The following EPS8 variants were observed in gnomAD, a reference collection of about 807,000 sequenced individuals.
EPS8 encodes epidermal growth factor receptor kinase substrate 8.
Under a neutral mutation model 103.8 loss-of-function variants are expected in EPS8, and 42 were observed. That is an observed-to-expected ratio of 0.40 (90% CI 0.32 to 0.52). The LOEUF (loss-of-function observed/expected upper bound fraction) is 0.52, where lower values mean the gene tolerates loss of function less well. Among genes scored for constraint, EPS8 ranks in the 20% least tolerant of loss-of-function variants. The pLI, the probability that EPS8 is intolerant of heterozygous loss-of-function variation, is 0.40. For synonymous variants in EPS8, 344 were observed against 344.6 expected, an observed-to-expected ratio of 1.00 and a Z score of 0.02; for missense variants, 969 against 1,005.1, an observed-to-expected ratio of 0.96 and a Z score of 0.49.
chr12:15,663,941 A>AT (rs71042266), intron 8 of EPS8, among the ~76,000 whole-genome samples: 25,351 of 72,148 alleles, frequency 0.35, 5,757 homozygotes, highest in Middle Eastern at 0.44. Flanking sequence ...AAAAAAAAAA[A>AT]AAAAATAATA....
chr12:15,722,369 T>G (rs1369477071), intron 1 of EPS8, among the ~76,000 whole-genome samples: 3 of 152,046 alleles, frequency 2.0e-5, no homozygotes, highest in Non-Finnish European at 4.4e-5. Context: ...GAGCCTTGAG[T>G]AGTACATTGC....
In EPS8 at chr12:15,623,167, A is replaced by T. The variant is rs1944887770; in HGVS notation, c.2346T>A (p.Ala782=). 6.2e-7 allele frequency: 1 copy of T among 1,606,822 alleles called. No homozygotes were observed. Among genetic ancestry groups the T allele is most frequent in the Admixed American group, 1.7e-5 (1 of 58,458 alleles). Residue 782 remains alanine (A), a synonymous_variant, in exon 20 of 21, where the codon GCT becomes GCA. Transcript: ENST00000281172. Reference sequence around the variant, plus strand: ...GGTTGACAAGTCATACCTCCAATGCAGCTTTTTGTACAGTGATTTGGCTAT... The same window carrying T: ...GGTTGACAAGTCATACCTCCAATGCTGCTTTTTGTACAGTGATTTGGCTAT... ...RVYSQITVQK[A]ALEDSSGSSE...
intron 1 of EPS8, among the ~76,000 whole-genome samples, chr12:15,743,609 A>G (rs374244867): frequency 6.6e-6 from 1 of 152,204 alleles, no homozygotes; most frequent in African/African-American, 2.4e-5. Context: ...ATAATACCAC[A>G]TATCTACAAC....
At chr12:15,630,114 G>T (rs940348732) in intron 18 of EPS8, among the ~76,000 whole-genome samples, 1 of 151,888 alleles carries the variant, frequency 6.6e-6, no homozygotes, top group Non-Finnish European at 1.5e-5. Context: ...TGTTTATGTG[G>T]AAAACGAAGG....
At chr12:15,642,803 G>T (rs1177556792) in intron 15 of EPS8, among the ~76,000 whole-genome samples, 3 of 152,062 alleles carry the variant, frequency 2.0e-5, no homozygotes, top group Non-Finnish European at 4.4e-5. Context: ...TTATACCAGG[G>T]CCTGCAGGAC....
intron 1 of EPS8, among the ~76,000 whole-genome samples, chr12:15,699,634 T>C (rs1338347745): frequency 6.6e-6 from 1 of 152,194 alleles, no homozygotes; most frequent in Admixed American, 6.5e-5. Flanking sequence ...ACATACAACT[T>C]TAGTGTACCA....
rs965534056 is a variant in EPS8 at position 15,745,615 on chromosome 12, G to C, written c.-22+43546C>G. Among the ~76,000 whole-genome samples the C allele has an allele frequency of 6.6e-6, 1 of 151,548 alleles. No homozygotes were observed. The highest frequency in any genetic ancestry group is 1.5e-5 in the Non-Finnish European group (1 of 67,964). ...AAAAGAAATCACTTTTATTTTGTCAGGTGAGTGTAGCAATCATTGCTAGCA... is the reference window on the plus strand; with the variant it reads ...AAAAGAAATCACTTTTATTTTGTCACGTGAGTGTAGCAATCATTGCTAGCA... On this transcript the variant is annotated intron_variant, in intron 1 of 20. Coordinates refer to ENST00000281172, the MANE Select transcript of EPS8 (RefSeq NM_004447.6). The surrounding 1 kb of genome is among the most constrained non-coding windows in gnomAD (Gnocchi z 4.6).
At chr12:15,673,669 C>A (rs1945854656) in intron 3 of EPS8, among the ~76,000 whole-genome samples, 1 of 152,156 alleles carries the variant, frequency 6.6e-6, no homozygotes, top group Non-Finnish European at 1.5e-5. Flanking sequence ...TATATACTAT[C>A]TCTTCAAGCA....
At chr12:15,774,004 T>G (rs1947181601) in intron 1 of EPS8, among the ~76,000 whole-genome samples, 1 of 152,142 alleles carries the variant, frequency 6.6e-6, no homozygotes, top group South Asian at 2.1e-4. Flanking sequence ...CTTCTTTGGA[T>G]AGTCGAGCAA....
intron 1 of EPS8, among the ~76,000 whole-genome samples, chr12:15,718,654 A>G (rs1490489558): frequency 1.3e-5 from 2 of 152,178 alleles, no homozygotes; most frequent in Non-Finnish European, 2.9e-5. Context: ...TGATGAGTGC[A>G]TATCAAGAGT....
chr12:15,740,683 C>T (rs1412302904), intron 1 of EPS8, among the ~76,000 whole-genome samples: 2 of 152,060 alleles, frequency 1.3e-5, no homozygotes, highest in Non-Finnish European at 2.9e-5. Flanking sequence ...AGAGCCAGTA[C>T]AGGCTAAAGA....
chr12:15,653,107 C>T (rs1287336508), intron 13 of EPS8, among the ~76,000 whole-genome samples: 2 of 152,208 alleles, frequency 1.3e-5, no homozygotes, highest in African/African-American at 2.4e-5. Context: ...ATGCACATTT[C>T]TTAAAATTAC....
Position 15,700,561 on chromosome 12 carries a change from T to C in EPS8, c.-21-17589A>G, listed in dbSNP as rs1946298988. ...ATTAAATTGAAAATTTAAAAAGAAA[T>C]TTATTCCACAGAATTTCTACAGTCA... is the stretch of plus-strand genomic sequence containing the variant. On this transcript the variant is annotated intron_variant, in intron 1 of 20. Transcript: ENST00000281172. This position sits in a 1 kb window ranked among gnomAD's most constrained non-coding sequence, Gnocchi z 5.1. 6.6e-6 allele frequency among the ~76,000 whole-genome samples: 1 copy of C among 152,046 alleles called. No homozygotes were observed. The highest frequency in any genetic ancestry group is 1.5e-5 in the Non-Finnish European group (1 of 68,032).
chr12:15,675,860 A>G (rs1361396493), intron 3 of EPS8, among the ~76,000 whole-genome samples: 3 of 152,242 alleles, frequency 2.0e-5, no homozygotes, highest in Non-Finnish European at 4.4e-5. Flanking sequence ...AAGTCTATCT[A>G]TTCAGAACAT....
Position 15,784,684 on chromosome 12 carries a change from T to G in EPS8, c.-22+4477A>C, listed in dbSNP as rs1440462198. Among the ~76,000 whole-genome samples the G allele has an allele frequency of 6.6e-6, 1 of 152,146 alleles. No homozygotes were observed. Among genetic ancestry groups the G allele is most frequent in the Non-Finnish European group, 1.5e-5 (1 of 67,990 alleles). ...ACTTATGTCTACCCAAAAACCTGCA[T>G]GTGAATATTCATAGCAGCTTCGTTC... On this transcript the variant is annotated intron_variant, in intron 1 of 20. Transcript: ENST00000281172. The surrounding 1 kb of genome is among the most constrained non-coding windows in gnomAD (Gnocchi z 4.0).
Position 15,621,235 on chromosome 12 carries a change from T to C in EPS8, c.*82A>G, listed in dbSNP as rs1419834390. The C allele has an allele frequency of 1.1e-5, 7 of 644,554 alleles. No homozygotes were observed. The highest frequency in any genetic ancestry group is 5.0e-6 in the Non-Finnish European group (2 of 398,324). 39.9% of individuals were successfully genotyped at this position (644,554 alleles called of 1,614,324 possible). On this transcript the variant is annotated 3_prime_UTR_variant, in exon 21 of 21. Coordinates refer to ENST00000281172, the MANE Select transcript of EPS8 (RefSeq NM_004447.6). The stretch of plus-strand genomic sequence containing the variant: ...TAAATTACATCAAGAAAAATGAATC[T>C]GACATTCCCTTCAAGGCTTCTTAAA...
chr12:15,625,554 C>T (rs1440710796), intron 18 of EPS8, among the ~76,000 whole-genome samples: 2 of 152,036 alleles, frequency 1.3e-5, no homozygotes, highest in South Asian at 2.1e-4. Flanking sequence ...TTTTGCTTTT[C>T]CCCCCATCTC....
At chr12:15,758,442 T>C (rs1011386483) in intron 1 of EPS8, among the ~76,000 whole-genome samples, 1 of 152,180 alleles carries the variant, frequency 6.6e-6, no homozygotes, top group Admixed American at 6.5e-5. Context: ...GAACTTTCCA[T>C]GGTCGTGCTG....
rs1946788595 is a variant in EPS8, at chr12:15,738,554, T to C, written c.-22+50607A>G. Among the ~76,000 whole-genome samples the C allele has an allele frequency of 6.6e-6, 1 of 152,178 alleles. No individual in the cohort carries two copies. The highest frequency in any genetic ancestry group is 2.4e-5 in the African/African-American group (1 of 41,456). On this transcript the variant is annotated intron_variant, in intron 1 of 20. Coordinates refer to ENST00000281172, the MANE Select transcript of EPS8 (RefSeq NM_004447.6). The surrounding 1 kb of genome is among the most constrained non-coding windows in gnomAD (Gnocchi z 6.2). ...TCTATAATAAGAACATTCTTAGCCC[T>C]GAAGATAAAATATTAACAAAGAACA...
Sources: allele counts gnomAD v4.1 joint callset (sites outside exome capture counted in the v4.1 genomes callset), GRCh38; gene constraint gnomAD v4.1.1; non-coding constraint Gnocchi (gnomAD v3.1); transcripts MANE v1.5; gene names NCBI Gene and HGNC (gene_info 2026-07-23, HGNC 2026-07-21).